The following GHRHR variants were observed in gnomAD, a reference collection of about 807,000 sequenced individuals.
The protein encoded by GHRHR is growth hormone-releasing hormone receptor.
Under a neutral mutation model 58.3 loss-of-function variants are expected in GHRHR, and 40 were observed. That is an observed-to-expected ratio of 0.69 (90% CI 0.53 to 0.89). The LOEUF is 0.89. GHRHR is among the 40% of genes least tolerant of loss of function. The pLI is 0.00. For missense variants in GHRHR, 551 were observed against 541.3 expected, an observed-to-expected ratio of 1.02 and a Z score of -0.18; for synonymous variants, 249 against 216.6, an observed-to-expected ratio of 1.15 and a Z score of -1.31.
At chr7:30,971,590 C>T (rs10224561) in intron 5 of GHRHR, among the ~76,000 whole-genome samples, 8,710 of 152,152 alleles carry the variant, frequency 0.057, 334 homozygotes, top group African/African-American at 0.098. Context: ...ACCCCCTCCT[C>T]CAGCCTTCGA....
chr7:30,964,556 A>G (rs556409269), intron 1 of GHRHR, among the ~76,000 whole-genome samples: 1 of 152,250 alleles, frequency 6.6e-6, no homozygotes, highest in South Asian at 2.1e-4. Flanking sequence ...CTCCTGTGGT[A>G]AGCTTTCTGG....
chr7:30,973,401 A>G (rs1447341734), intron 6 of GHRHR, among the ~76,000 whole-genome samples: 2 of 152,220 alleles, frequency 1.3e-5, no homozygotes, highest in Non-Finnish European at 2.9e-5. Flanking sequence ...CATCACTTTA[A>G]TCCCATTTTG....
intron 4 of GHRHR, among the ~76,000 whole-genome samples, chr7:30,970,178 C>G (rs1015994401): frequency 6.6e-6 from 1 of 152,148 alleles, no homozygotes; most frequent in Non-Finnish European, 1.5e-5. Flanking sequence ...GAGGGAGAAG[C>G]GGGGCAGAGG....
At chr7:30,966,147 C>T (rs556052865) in intron 1 of GHRHR, among the ~76,000 whole-genome samples, 1 of 152,240 alleles carries the variant, frequency 6.6e-6, no homozygotes, top group South Asian at 2.1e-4. Flanking sequence ...GGGTGACCCT[C>T]CTTACTGGGC....
chr7:30,967,102 G>C (rs73307716), intron 1 of GHRHR, among the ~76,000 whole-genome samples: 6,818 of 152,254 alleles, frequency 0.045, 484 homozygotes, highest in African/African-American at 0.15. Context: ...TGTATACCCA[G>C]TTCACAGTGC....
rs73307738 is a variant in GHRHR, at chr7:30,973,684, T to C, written c.598-301T>C. On this transcript the variant is annotated intron_variant, in intron 6 of 12. Coordinates refer to ENST00000326139, the MANE Select transcript of GHRHR (RefSeq NM_000823.4). Reference sequence around the variant, plus strand: ...TCTTAGGCAGTTTCCATTTAATCCTTATGATGAGGACTTGATCTAGGTATT... The same window carrying C: ...TCTTAGGCAGTTTCCATTTAATCCTCATGATGAGGACTTGATCTAGGTATT... 8.0e-3 allele frequency among the ~76,000 whole-genome samples: 1,211 copies of C among 152,296 alleles called. 14 individuals are homozygous for C. The highest frequency in any genetic ancestry group is 0.034 in the South Asian group (162 of 4,830).
chr7:30,971,298 T>C, intron 5 of GHRHR, 82 bp downstream of exon 5: 1 of 733,308 alleles, frequency 1.4e-6, no homozygotes, highest in African/African-American at 1.7e-5. Context: ...CTTGCCTACA[T>C]AGCCATGAAC....
intron 6 of GHRHR, 70 bp downstream of exon 6, chr7:30,972,165 C>CCTG (rs920580634): frequency 1.0e-4 from 163 of 1,557,540 alleles, no homozygotes; most frequent in African/African-American, 1.4e-5. Context: ...CCCAGATGTG[C>CCTG]CTGCGTCAGG....
chr7:30,976,974 A>C (rs1792598782), intron 11 of GHRHR, among the ~76,000 whole-genome samples: 1 of 149,932 alleles, frequency 6.7e-6, no homozygotes, highest in Non-Finnish European at 1.5e-5. Context: ...CCACCCATCC[A>C]TCCAATCTAT....
intron 11 of GHRHR, among the ~76,000 whole-genome samples, chr7:30,976,782 G>A (rs13307988): frequency 1.2e-4 from 18 of 150,002 alleles, no homozygotes; most frequent in African/African-American, 4.2e-4. Context: ...CCATCCATCC[G>A]TGCATCCATC....
chr7:30,974,463 C>T lies in GHRHR; in HGVS notation c.786C>T (p.Ser262=). 1 of 1,613,168 alleles carries T rather than the reference C, an allele frequency of 6.2e-7. No individual in the cohort carries two copies. The highest frequency in any genetic ancestry group is 1.1e-5 in the South Asian group (1 of 91,076). Residue 262 remains serine, a synonymous_variant, in exon 8 of 13, where the codon AGC becomes AGT. Transcript: ENST00000326139. The part of the protein sequence containing the change: ...LPVLFTGTWV[S]CKLAFEDIAC... Reference sequence around the variant, plus strand: ...TGCTCTTCACTGGCACGTGGGTGAGCTGCAAACTGGCCTTCGAGGACATCG... The same window carrying T: ...TGCTCTTCACTGGCACGTGGGTGAGTTGCAAACTGGCCTTCGAGGACATCG...
At chr7:30,973,450 CG>C (rs1389135852) in intron 6 of GHRHR, among the ~76,000 whole-genome samples, 2 of 152,166 alleles carry the variant, frequency 1.3e-5, no homozygotes, top group African/African-American at 4.8e-5. Flanking sequence ...CAGTGGCACA[CG>C]GGTGGGGCTG....
chr7:30,970,804 T>G (rs1342568758), intron 4 of GHRHR, among the ~76,000 whole-genome samples: 1 of 152,218 alleles, frequency 6.6e-6, no homozygotes, highest in African/African-American at 2.4e-5. Flanking sequence ...GCTGATTTCC[T>G]CTTGGGCTTT....
intron 1 of GHRHR, among the ~76,000 whole-genome samples, chr7:30,965,728 G>T (rs931164125): frequency 6.6e-6 from 1 of 152,218 alleles, no homozygotes; most frequent in African/African-American, 2.4e-5. Context: ...CAGGGTTGGG[G>T]CTTGCCAGAC....
chr7:30,966,523 C>T (rs1037009588), intron 1 of GHRHR, among the ~76,000 whole-genome samples: 1 of 152,162 alleles, frequency 6.6e-6, no homozygotes, highest in Non-Finnish European at 1.5e-5. Context: ...CTCTTCTCCC[C>T]ACTGTGTGTG....
At chr7:30,977,383 C>G (rs996680577) in intron 12 of GHRHR, 61 bp downstream of exon 12, 3 of 1,403,516 alleles carry the variant, frequency 2.1e-6, no homozygotes, top group Non-Finnish European at 3.0e-6. Context: ...TAAGGCCCCT[C>G]CTCCTCTCTC....
At position 30,977,274 on chromosome 7, in the gene GHRHR, C is replaced by A. The variant is rs1240877965; in HGVS notation, c.1105-7C>A. The A allele has an allele frequency of 6.2e-7, 1 of 1,613,720 alleles. No individual in the cohort carries two copies. On this transcript the variant is annotated splice_polypyrimidine_tract_variant and splice_region_variant and intron_variant, in intron 11 of 12. Transcript: ENST00000326139. ...TCTGATGGGGTCTTTCTTCTTTGGACCCACAGGGCTTCATTGTTGCCATCC... is the reference window on the plus strand; with the variant it reads ...TCTGATGGGGTCTTTCTTCTTTGGAACCACAGGGCTTCATTGTTGCCATCC...
intron 1 of GHRHR, 78 bp from the exon 2 acceptor site, chr7:30,968,756 G>C (rs1792411450): frequency 1.1e-6 from 1 of 925,930 alleles, no homozygotes. Flanking sequence ...CCTTGTCCCT[G>C]TTCTCAGGTC....
At chr7:30,965,828 C>G (rs2267721) in intron 1 of GHRHR, among the ~76,000 whole-genome samples, 68,941 of 151,958 alleles carry the variant, frequency 0.45, 18,575 homozygotes, top group African/African-American at 0.77. Context: ...AAGTCCCATA[C>G]AGGCCCATCT....
Sources: allele counts gnomAD v4.1 joint callset (sites outside exome capture counted in the v4.1 genomes callset), GRCh38; gene constraint gnomAD v4.1.1; transcripts MANE v1.5; gene names NCBI Gene and HGNC (gene_info 2026-07-23, HGNC 2026-07-21).